Variants in POU2F1 observed in about 807,000 individuals in gnomAD.
POU2F1 encodes the protein POU domain, class 2, transcription factor 1.
Under a neutral mutation model 84.9 loss-of-function variants are expected in POU2F1, and 16 were observed. The observed-to-expected ratio is 0.19, with a 90% CI of 0.13 to 0.29. POU2F1 has a LOEUF of 0.29. Ranked by LOEUF, POU2F1 falls within the 10% of genes least tolerant of loss-of-function variation. The pLI is 1.00. For missense variants in POU2F1, 738 were observed against 942.6 expected (o/e 0.78, Z 2.84); for synonymous variants, 368 against 368.3 (o/e 1.00, Z 0.01).
chr1:167,359,641 T>C (rs1199393283), intron 2 of POU2F1, among the ~76,000 whole-genome samples: 3 of 152,250 alleles, frequency 2.0e-5, no homozygotes, highest in African/African-American at 7.2e-5. Context: ...GTGATAAACA[T>C]GCAAATGCAG....
intron 1 of POU2F1, among the ~76,000 whole-genome samples, chr1:167,322,872 C>G (rs1305725785): frequency 1.3e-5 from 2 of 152,242 alleles, no homozygotes; most frequent in African/African-American, 2.4e-5. Context: ...GCACAGATCA[C>G]TCATACTATT....
At chr1:167,223,413 T>A (rs1648382784) in intron 1 of POU2F1, among the ~76,000 whole-genome samples, 1 of 152,146 alleles carries the variant, frequency 6.6e-6, no homozygotes, top group South Asian at 2.1e-4. Flanking sequence ...AATTTTCTTT[T>A]AACATTTTTA....
intron 2 of POU2F1, among the ~76,000 whole-genome samples, chr1:167,358,004 G>A (rs1392395240): frequency 1.2e-4 from 18 of 151,292 alleles, no homozygotes; most frequent in South Asian, 2.1e-4. Context: ...GGGTTTCACC[G>A]TGTTGGCCAG....
chr1:167,331,274 T>C (rs561136674), intron 1 of POU2F1, among the ~76,000 whole-genome samples: 54 of 152,126 alleles, frequency 3.5e-4, no homozygotes, highest in African/African-American at 9.6e-4. Context: ...ATGAAACTTA[T>C]AAAAGAAAGA....
At chr1:167,407,157 G>A (rs568137256) in intron 13 of POU2F1, among the ~76,000 whole-genome samples, 5 of 151,954 alleles carry the variant, frequency 3.3e-5, no homozygotes, top group South Asian at 4.2e-4. Context: ...CAGCCTCCCC[G>A]GTAGCTGGGA....
At chr1:167,322,104 C>T (rs1656354251) in intron 1 of POU2F1, among the ~76,000 whole-genome samples, 1 of 152,218 alleles carries the variant, frequency 6.6e-6, no homozygotes, top group East Asian at 1.9e-4. Context: ...ATGTCCATTC[C>T]TGTATCTACC....
At chr1:167,248,430 T>C (rs1245726940) in intron 1 of POU2F1, among the ~76,000 whole-genome samples, 2 of 152,206 alleles carry the variant, frequency 1.3e-5, no homozygotes, top group African/African-American at 2.4e-5. Flanking sequence ...AGGTAGCTCC[T>C]ATCCTGGAAG....
chr1:167,262,875 T>C (rs1369794549), intron 1 of POU2F1, among the ~76,000 whole-genome samples: 1 of 152,162 alleles, frequency 6.6e-6, no homozygotes, highest in African/African-American at 2.4e-5. Context: ...GGAGCAAAAG[T>C]AGTTCAATTT....
chr1:167,386,199 G>T (rs115382862), intron 8 of POU2F1, among the ~76,000 whole-genome samples: 142 of 152,174 alleles, frequency 9.3e-4, no homozygotes, highest in Middle Eastern at 6.8e-3. Context: ...TTCTTTTTGG[G>T]GGGGTGAGGG....
intron 1 of POU2F1, among the ~76,000 whole-genome samples, chr1:167,321,572 G>A (rs1656312209): frequency 6.6e-6 from 1 of 152,178 alleles, no homozygotes. Context: ...TTGGAGCTAT[G>A]TGTCCTTTTT....
At chr1:167,222,151 C>T (rs1648268909) in intron 1 of POU2F1, among the ~76,000 whole-genome samples, 1 of 152,166 alleles carries the variant, frequency 6.6e-6, no homozygotes, top group South Asian at 2.1e-4. Flanking sequence ...GGGCTGCCCT[C>T]CTGCCCCAGA....
At chr1:167,248,382 G>T (rs989555029) in intron 1 of POU2F1, among the ~76,000 whole-genome samples, 1 of 152,284 alleles carries the variant, frequency 6.6e-6, no homozygotes, top group East Asian at 1.9e-4. Context: ...TACATTGCTG[G>T]ACTTATTTTT....
At chr1:167,297,378 C>T (rs552324141) in intron 1 of POU2F1, among the ~76,000 whole-genome samples, 19 of 152,200 alleles carry the variant, frequency 1.2e-4, no homozygotes, top group Non-Finnish European at 1.6e-4. Flanking sequence ...GACAATAGGG[C>T]AGGGCTGTGT....
chr1:167,251,159 G>C (rs1386631973), intron 1 of POU2F1, among the ~76,000 whole-genome samples: 3 of 152,194 alleles, frequency 2.0e-5, no homozygotes, highest in Non-Finnish European at 2.9e-5. Context: ...AGCACTTTGG[G>C]AGACAGAAGC....
intron 1 of POU2F1, among the ~76,000 whole-genome samples, chr1:167,292,791 A>G (rs1175033770): frequency 6.6e-6 from 1 of 152,224 alleles, no homozygotes; most frequent in Non-Finnish European, 1.5e-5. Flanking sequence ...GCAGGACATA[A>G]AAAAGACAAT....
chr1:167,360,685 G>C (rs1659300297), intron 2 of POU2F1, among the ~76,000 whole-genome samples: 1 of 151,904 alleles, frequency 6.6e-6, no homozygotes. Context: ...GCTCTTTTTG[G>C]TTCTATATGA....
intron 1 of POU2F1, among the ~76,000 whole-genome samples, chr1:167,227,762 T>G (rs1012543718): frequency 7.2e-5 from 11 of 152,170 alleles, no homozygotes; most frequent in African/African-American, 2.4e-4. Flanking sequence ...CAGGAAAAAT[T>G]GAAAAACAGT....
At chr1:167,246,080 C>T (rs1009052248) in intron 1 of POU2F1, among the ~76,000 whole-genome samples, 3 of 152,150 alleles carry the variant, frequency 2.0e-5, no homozygotes, top group Non-Finnish European at 4.4e-5. Flanking sequence ...ATCTAAGATT[C>T]ATGTACAAAA....
At chr1:167,243,310 C>T (rs556543295) in intron 1 of POU2F1, among the ~76,000 whole-genome samples, 1 of 152,286 alleles carries the variant, frequency 6.6e-6, no homozygotes, top group Admixed American at 6.5e-5. Context: ...AAAGCCCTTC[C>T]TCATGTAGCT....
Sources: gnomAD v4.1 joint callset for allele counts (sites outside exome capture counted in the v4.1 genomes callset) on GRCh38, gnomAD v4.1.1 for gene constraint, MANE v1.5 for transcripts, NCBI Gene and HGNC (gene_info 2026-07-23, HGNC 2026-07-21) for gene names.